Variants in TACR3 observed in about 807,000 individuals in gnomAD.
The protein encoded by TACR3 is neuromedin-K receptor.
TACR3 carries 34 observed loss-of-function variants against 35.0 expected under a neutral mutation model. That is an observed-to-expected ratio of 0.97 (90% CI 0.74 to 1.30). The LOEUF is 1.30. Ranked by LOEUF, TACR3 falls within the 50% of genes most tolerant of loss-of-function variation. TACR3 has a pLI of 0.00. For missense variants in TACR3, 558 were observed against 591.7 expected (o/e 0.94, Z 0.59); for synonymous variants, 233 against 221.1 (o/e 1.05, Z -0.48).
At chr4:103,640,606 T>G (rs922742913) in intron 3 of TACR3, among the ~76,000 whole-genome samples, 1 of 151,992 alleles carries the variant, frequency 6.6e-6, no homozygotes, top group Non-Finnish European at 1.5e-5. Context: ...TTTTTTCTCC[T>G]AATCCATTCA....
chr4:103,704,997 G>A (rs1333973835), intron 1 of TACR3, among the ~76,000 whole-genome samples: 1 of 152,042 alleles, frequency 6.6e-6, no homozygotes, highest in Non-Finnish European at 1.5e-5. Flanking sequence ...GTTTTTGGAT[G>A]CTCTATAATT....
At chr4:103,717,530 T>A (rs1430132301) in intron 1 of TACR3, among the ~76,000 whole-genome samples, 1 of 152,142 alleles carries the variant, frequency 6.6e-6, no homozygotes, top group Non-Finnish European at 1.5e-5. Context: ...ATACAACCTT[T>A]TTTTCCCCTT....
At chr4:103,600,908 G>A (rs937348984) in intron 3 of TACR3, among the ~76,000 whole-genome samples, 3 of 152,180 alleles carry the variant, frequency 2.0e-5, no homozygotes, top group African/African-American at 4.8e-5. Context: ...AGTAGGTGTG[G>A]TGTGGTGCTG....
At chr4:103,687,111 T>A (rs1578257614) in intron 1 of TACR3, among the ~76,000 whole-genome samples, 2 of 151,972 alleles carry the variant, frequency 1.3e-5, no homozygotes, top group Non-Finnish European at 2.9e-5. Flanking sequence ...TCAATAAATG[T>A]AATCCAGCAT....
chr4:103,689,703 C>A (rs1722356058), intron 1 of TACR3, among the ~76,000 whole-genome samples: 1 of 151,842 alleles, frequency 6.6e-6, no homozygotes. Context: ...ATTTGTGAGA[C>A]TCTATTAAAT....
Position 103,587,250 on chromosome 4 carries a change from A to G in TACR3, c.*2432T>C, listed in dbSNP as rs1669263739. ...AAGAGTGAAAAATCTTCTCTTTTAT[A>G]TTTCACTCTTGTTTTATTATTGTCG... On this transcript the variant is annotated 3_prime_UTR_variant, in exon 5 of 5. Transcript: ENST00000304883. 1 of 151,436 alleles carries G rather than the reference A, an allele frequency of 6.6e-6. No homozygotes were observed. Among genetic ancestry groups the G allele is most frequent in the African/African-American group, 2.4e-5 (1 of 40,896 alleles). The allele number at this position is 151,436 out of a possible 1,614,324, so 9.4% of individuals were successfully genotyped here.
intron 1 of TACR3, among the ~76,000 whole-genome samples, chr4:103,681,260 T>C (rs1157535890): frequency 2.0e-5 from 3 of 152,070 alleles, no homozygotes; most frequent in Non-Finnish European, 2.9e-5. Flanking sequence ...ATGAAGGATC[T>C]CTCAATTCCA....
intron 1 of TACR3, among the ~76,000 whole-genome samples, chr4:103,707,423 AT>A (rs1161829803): frequency 3.3e-5 from 5 of 152,022 alleles, no homozygotes; most frequent in African/African-American, 1.2e-4. Flanking sequence ...ATATTGACGT[AT>A]TTTTTTCTCC....
At chr4:103,649,842 T>A in intron 3 of TACR3, among the ~76,000 whole-genome samples, 1 of 152,152 alleles carries the variant, frequency 6.6e-6, no homozygotes, top group Non-Finnish European at 1.5e-5. Flanking sequence ...TGGTCCTTGG[T>A]GACTTATTTA....
In TACR3 at chr4:103,686,237, T is replaced by C. The variant is rs529246506; in HGVS notation, c.549-27834A>G. Among the ~76,000 whole-genome samples the C allele has an allele frequency of 5.6e-4, 86 of 152,292 alleles. 1 individual carries two copies. In the South Asian group the frequency reaches 0.017, roughly 31 times the overall value. On this transcript the variant is annotated intron_variant, in intron 1 of 4. Coordinates refer to ENST00000304883, the MANE Select transcript of TACR3 (RefSeq NM_001059.3). ...TAAGAGATACTAGACCCTGGATGAATGTGAGGCAGACTTGTAAACCTTCTG... is the reference window on the plus strand; with the variant it reads ...TAAGAGATACTAGACCCTGGATGAACGTGAGGCAGACTTGTAAACCTTCTG...
intron 1 of TACR3, among the ~76,000 whole-genome samples, chr4:103,700,997 G>A (rs953887888): frequency 1.9e-4 from 29 of 152,290 alleles, no homozygotes; most frequent in African/African-American, 7.0e-4. Flanking sequence ...ACAAGACAGG[G>A]ATGCCCTCTC....
rs543406436 is a variant in TACR3, at chr4:103,697,639, T to C, written c.548+21489A>G. On this transcript the variant is annotated intron_variant, in intron 1 of 4. Transcript: ENST00000304883. ...TGGGGTTTCACCACGTTAGCCAGGA[T>C]AGTCTCGATCTCCTGACCTCGTGAT... Among the ~76,000 whole-genome samples, 37 of 152,066 alleles carry C rather than the reference T, an allele frequency of 2.4e-4. 1 individual carries two copies. In the South Asian group the frequency reaches 6.8e-3, roughly 28 times the overall value.
At chr4:103,684,855 A>G (rs993733591) in intron 1 of TACR3, among the ~76,000 whole-genome samples, 3 of 151,930 alleles carry the variant, frequency 2.0e-5, no homozygotes, top group Admixed American at 6.6e-5. Context: ...AATATAAAAA[A>G]TTAGCCTAGT....
At chr4:103,669,219 T>G (rs995587822) in intron 1 of TACR3, among the ~76,000 whole-genome samples, 1 of 152,132 alleles carries the variant, frequency 6.6e-6, no homozygotes, top group Non-Finnish European at 1.5e-5. Context: ...AGCAATTACT[T>G]TTGCACCAAT....
At chr4:103,592,755 T>C (rs1723921959) in intron 3 of TACR3, among the ~76,000 whole-genome samples, 3 of 152,214 alleles carry the variant, frequency 2.0e-5, no homozygotes, top group Admixed American at 6.5e-5. Flanking sequence ...GAAGATACAG[T>C]ATTTATGAAA....
intron 1 of TACR3, among the ~76,000 whole-genome samples, chr4:103,706,030 G>C (rs1722779521): frequency 6.6e-6 from 1 of 152,288 alleles, no homozygotes. Flanking sequence ...AGACCAATTA[G>C]GCAATTTTAG....
intron 3 of TACR3, among the ~76,000 whole-genome samples, chr4:103,652,757 A>C (rs1454159896): frequency 1.3e-5 from 2 of 151,856 alleles, no homozygotes; most frequent in Non-Finnish European, 2.9e-5. Context: ...TGTAGCCAAT[A>C]CTTTTTTTTA....
At chr4:103,609,992 C>T (rs1042233791) in intron 3 of TACR3, among the ~76,000 whole-genome samples, 2 of 151,766 alleles carry the variant, frequency 1.3e-5, no homozygotes, top group Admixed American at 6.6e-5. Flanking sequence ...GCGTATATAA[C>T]CATATTTTCT....
At chr4:103,648,593 T>C (rs1419870743) in intron 3 of TACR3, among the ~76,000 whole-genome samples, 1 of 152,090 alleles carries the variant, frequency 6.6e-6, no homozygotes, top group Non-Finnish European at 1.5e-5. Context: ...TCTAGTTCCA[T>C]CCATGTTGTT....
Sources: gnomAD v4.1 joint callset for allele counts (sites outside exome capture counted in the v4.1 genomes callset) on GRCh38, gnomAD v4.1.1 for gene constraint, MANE v1.5 for transcripts, NCBI Gene and HGNC (gene_info 2026-07-23, HGNC 2026-07-21) for gene names.